PRKCE: variants seen among roughly 807,000 people sequenced by gnomAD.
PRKCE encodes the protein protein kinase C epsilon type.
PRKCE carries 16 observed loss-of-function variants against 85.4 expected under a neutral mutation model. The ratio of observed to expected loss-of-function variants is 0.19; its 90% confidence interval spans 0.13 to 0.28. The LOEUF (loss-of-function observed/expected upper bound fraction) is 0.28. Ranked by LOEUF, PRKCE falls within the 10% of genes least tolerant of loss-of-function variation. PRKCE has a pLI of 1.00. For synonymous variants in PRKCE, 388 were observed against 371.5 expected (o/e 1.04, Z -0.51); for missense variants, 573 against 975.2 (o/e 0.59, Z 5.49).
intron 1 of PRKCE, among the ~76,000 whole-genome samples, chr2:45,655,984 C>A (rs1675362626): frequency 6.6e-6 from 1 of 151,866 alleles, no homozygotes; most frequent in Non-Finnish European, 1.5e-5. Flanking sequence ...GTGTTCCTGG[C>A]ATGGCCACCG....
At chr2:45,835,916 G>A (rs1420155429) in intron 1 of PRKCE, among the ~76,000 whole-genome samples, 3 of 152,078 alleles carry the variant, frequency 2.0e-5, no homozygotes, top group East Asian at 1.9e-4. Flanking sequence ...TTATTGCTAA[G>A]TAACATTCCA....
intron 1 of PRKCE, among the ~76,000 whole-genome samples, chr2:45,732,159 C>G (rs1201914944): frequency 1.3e-5 from 2 of 151,946 alleles, no homozygotes; most frequent in East Asian, 3.9e-4. Context: ...TTTTTTGGAA[C>G]AGACTGTCAT....
chr2:46,151,280 T>TAC (rs35676949), intron 13 of PRKCE, 51 bp downstream of exon 13: 100,589 of 552,046 alleles, frequency 0.18, 6,907 homozygotes, highest in East Asian at 0.24. Context: ...CTCCTCCCCC[T>TAC]ACACACACAC....
Position 46,001,930 on chromosome 2 carries a change from G to A in PRKCE, c.966+384G>A, listed in dbSNP as rs1351956289. ...ACTTCACCCTTGGTATCATTATAAT[G>A]GAGATAAATGGGTGAAGAACTGGAA... On this transcript the variant is annotated intron_variant, in intron 7 of 14. Transcript: ENST00000306156. The surrounding 1 kb of genome is among the most constrained non-coding windows in gnomAD (Gnocchi z 4.4). 6.6e-6 allele frequency among the ~76,000 whole-genome samples: 1 copy of A among 152,194 alleles called. No individual in the cohort carries two copies. The highest frequency in any genetic ancestry group is 2.4e-5 in the African/African-American group (1 of 41,452).
At chr2:46,032,760 A>G (rs1266964043) in intron 10 of PRKCE, among the ~76,000 whole-genome samples, 1 of 152,058 alleles carries the variant, frequency 6.6e-6, no homozygotes, top group Non-Finnish European at 1.5e-5. Context: ...CCTCTCCATA[A>G]TTTTCTCTTA....
At chr2:45,689,933 C>G (rs1677600316) in intron 1 of PRKCE, among the ~76,000 whole-genome samples, 1 of 151,972 alleles carries the variant, frequency 6.6e-6, no homozygotes, top group Admixed American at 6.6e-5. Flanking sequence ...CTTGTCTTCC[C>G]CTTATCACAG....
intron 1 of PRKCE, among the ~76,000 whole-genome samples, chr2:45,724,303 C>T (rs1174984819): frequency 6.6e-6 from 1 of 152,138 alleles, no homozygotes; most frequent in Non-Finnish European, 1.5e-5. Context: ...TGAATTGCCC[C>T]CATATAAGAT....
rs1392612534 is a variant in PRKCE at position 46,112,121 on chromosome 2, G to A, written c.1592+25759G>A. 5.9e-5 allele frequency among the ~76,000 whole-genome samples: 9 copies of A among 152,278 alleles called. No homozygotes were observed. The South Asian group carries it at 8.3e-4, about 14-fold the overall frequency. ...GATATTTAGATCATCTTGAGGAACCGACATCTTTATCATTATGTAATGCCC... is the reference window on the plus strand; with the variant it reads ...GATATTTAGATCATCTTGAGGAACCAACATCTTTATCATTATGTAATGCCC... On this transcript the variant is annotated intron_variant, in intron 11 of 14. Transcript: ENST00000306156.
At chr2:46,098,322 C>T (rs1344649922) in intron 11 of PRKCE, among the ~76,000 whole-genome samples, 1 of 150,980 alleles carries the variant, frequency 6.6e-6, no homozygotes, top group Non-Finnish European at 1.5e-5. Flanking sequence ...GTTATTACTC[C>T]CCCCCCAACC....
intron 1 of PRKCE, among the ~76,000 whole-genome samples, chr2:45,765,898 G>C (rs1398651704): frequency 1.3e-5 from 2 of 152,200 alleles, no homozygotes; most frequent in Non-Finnish European, 2.9e-5. Context: ...AGAAAAGCCT[G>C]TCCAAGTGTA....
intron 6 of PRKCE, among the ~76,000 whole-genome samples, chr2:45,998,056 T>C (rs924228407): frequency 1.3e-5 from 2 of 152,190 alleles, no homozygotes; most frequent in African/African-American, 4.8e-5. Context: ...TAAGGTGTAT[T>C]TTATGGCCCA....
At chr2:46,019,025 TGTA>T (rs780101182) in intron 10 of PRKCE, among the ~76,000 whole-genome samples, 4 of 152,256 alleles carry the variant, frequency 2.6e-5, no homozygotes, top group Non-Finnish European at 5.9e-5. Context: ...TATTTCTCTC[TGTA>T]ACATCAACCT....
intron 2 of PRKCE, among the ~76,000 whole-genome samples, chr2:45,914,030 G>T (rs186586107): frequency 7.2e-4 from 110 of 152,288 alleles, no homozygotes; most frequent in African/African-American, 2.4e-3. Context: ...TTTTCTTCCT[G>T]GATTGAAACC....
rs1016982889 is a variant in PRKCE at position 46,145,483 on chromosome 2, T to A, written c.1731+252T>A. On this transcript the variant is annotated intron_variant, in intron 12 of 14. Coordinates refer to ENST00000306156, the MANE Select transcript of PRKCE (RefSeq NM_005400.3). The surrounding 1 kb of genome is among the most constrained non-coding windows in gnomAD (Gnocchi z 4.6). Reference sequence around the variant, plus strand: ...TTCCCAAACCCGGGCAAGTTCACACTGAACATCTCTTTCCCATCCTAGTCC... The same window carrying A: ...TTCCCAAACCCGGGCAAGTTCACACAGAACATCTCTTTCCCATCCTAGTCC... 6.6e-6 allele frequency among the ~76,000 whole-genome samples: 1 copy of A among 152,234 alleles called. No homozygotes were observed. Among genetic ancestry groups the A allele is most frequent in the Non-Finnish European group, 1.5e-5 (1 of 68,038 alleles).
At chr2:45,833,631 T>G (rs987321657) in intron 1 of PRKCE, among the ~76,000 whole-genome samples, 1 of 152,204 alleles carries the variant, frequency 6.6e-6, no homozygotes, top group African/African-American at 2.4e-5. Flanking sequence ...GAACTGGGAT[T>G]GGAACCCGGG....
intron 1 of PRKCE, among the ~76,000 whole-genome samples, chr2:45,729,544 T>A (rs1298148812): frequency 1.3e-5 from 2 of 152,148 alleles, no homozygotes; most frequent in Admixed American, 6.5e-5. Context: ...CTGAAGGATA[T>A]TTTTAGGCCC....
intron 1 of PRKCE, among the ~76,000 whole-genome samples, chr2:45,768,936 A>G (rs1685113082): frequency 2.6e-5 from 4 of 152,220 alleles, no homozygotes; most frequent in Admixed American, 1.3e-4. Context: ...GGGCTTAGCC[A>G]CAGATATTTA....
At chr2:46,152,458 A>AG (rs1676739436) in intron 13 of PRKCE, among the ~76,000 whole-genome samples, 4 of 152,118 alleles carry the variant, frequency 2.6e-5, no homozygotes, top group Non-Finnish European at 5.9e-5. Context: ...CTGGGATTAC[A>AG]GACATGAGCC....
At chr2:45,779,557 A>G (rs983413223) in intron 1 of PRKCE, among the ~76,000 whole-genome samples, 1 of 151,420 alleles carries the variant, frequency 6.6e-6, no homozygotes, top group Non-Finnish European at 1.5e-5. Context: ...GAGAAGTAAG[A>G]CTCGTTTGAT....
Sources: allele counts gnomAD v4.1 joint callset (sites outside exome capture counted in the v4.1 genomes callset), GRCh38; gene constraint gnomAD v4.1.1; non-coding constraint Gnocchi (gnomAD v3.1); transcripts MANE v1.5; gene names NCBI Gene and HGNC (gene_info 2026-07-23, HGNC 2026-07-21).